The following ZNF578 variants were observed in gnomAD, a reference collection of about 807,000 sequenced individuals.
ZNF578 encodes Putative chemokine-related protein B42.
Under a neutral mutation model 8.3 loss-of-function variants are expected in ZNF578, and 8 were observed. The observed-to-expected ratio is 0.96, with a 90% CI of 0.56 to 1.74. The LOEUF is 1.74. Among genes scored for constraint, ZNF578 ranks in the 40% most tolerant of loss-of-function variants. ZNF578 has a pLI of 0.00. For missense variants in ZNF578, 726 were observed against 707.5 expected, an observed-to-expected ratio of 1.03 and a Z score of -0.30; for synonymous variants, 206 against 232.2, an observed-to-expected ratio of 0.89 and a Z score of 1.03.
intron 2 of ZNF578, among the ~76,000 whole-genome samples, chr19:52,470,159 T>C (rs571340016): frequency 9.2e-5 from 14 of 152,236 alleles, no homozygotes; most frequent in African/African-American, 3.1e-4. Flanking sequence ...TGTACCTTTT[T>C]TCTGAGGACA....
chr19:52,472,461 G>C (rs2059294985), intron 2 of ZNF578, among the ~76,000 whole-genome samples: 1 of 152,062 alleles, frequency 6.6e-6, no homozygotes, highest in African/African-American at 2.4e-5. Flanking sequence ...TGATATAACT[G>C]TTCTCTCTTC....
chr19:52,464,542 C>G (rs76499417), intron 2 of ZNF578, among the ~76,000 whole-genome samples: 1 of 151,998 alleles, frequency 6.6e-6, no homozygotes, highest in Non-Finnish European at 1.5e-5. Context: ...TACTTGCATC[C>G]CCAAATACTG....
chr19:52,471,468 C>T (rs548159777), intron 2 of ZNF578, among the ~76,000 whole-genome samples: 1 of 152,298 alleles, frequency 6.6e-6, no homozygotes, highest in Non-Finnish European at 1.5e-5. Context: ...ACACATTTTA[C>T]ACCTCTGCAC....
chr19:52,465,460 C>A (rs1281796284), intron 2 of ZNF578, among the ~76,000 whole-genome samples: 1 of 152,134 alleles, frequency 6.6e-6, no homozygotes, highest in Non-Finnish European at 1.5e-5. Flanking sequence ...TTATCAAACT[C>A]CTCTCTCTCC....
rs370568918 is a variant in ZNF578, at chr19:52,511,982, C to G, written c.1601C>G (p.Thr534Ser). The change falls in exon 6 of 6, where the codon ACT becomes AGT. Residue 534 changes from threonine (T) to serine (S), a missense_variant. Transcript: ENST00000421239. ...SHLSRHHRLH[T>S]GEKPYKCKVC... ...CTTTCACGTCATCATAGACTTCATACTGGAGAGAAACCTTACAAATGTAAG... is the reference window on the plus strand; with the variant it reads ...CTTTCACGTCATCATAGACTTCATAGTGGAGAGAAACCTTACAAATGTAAG... 1 of 1,613,968 alleles carries G rather than the reference C, an allele frequency of 6.2e-7. No individual in the cohort carries two copies. Among genetic ancestry groups the G allele is most frequent in the African/African-American group, 1.3e-5 (1 of 74,904 alleles).
intron 2 of ZNF578, among the ~76,000 whole-genome samples, chr19:52,460,020 T>A (rs1226733272): frequency 6.6e-6 from 1 of 150,594 alleles, no homozygotes; most frequent in Non-Finnish European, 1.5e-5. Context: ...CCACCTCAGC[T>A]TCCCAAAGTG....
rs2059442663 is a variant in ZNF578, at chr19:52,510,919, G to A, written c.538G>A (p.Val180Met). Residue 180 changes from valine to methionine, a missense_variant, in exon 6 of 6, where the codon GTG (valine) becomes ATG (methionine). By Grantham distance (21) the Val-to-Met change is conservative. Transcript: ENST00000421239. ...GCCCGAAGAGAAAATTGCTAATCAAGTGGAGAAGTCTGTCAACGATGCTTC... is the reference window on the plus strand; with the variant it reads ...GCCCGAAGAGAAAATTGCTAATCAAATGGAGAAGTCTGTCAACGATGCTTC... ...FQPEEKIANQ[V>M]EKSVNDASSI... 1 of 1,614,180 alleles carries A rather than the reference G, an allele frequency of 6.2e-7. No individual in the cohort carries two copies. The highest frequency in any genetic ancestry group is 8.5e-7 in the Non-Finnish European group (1 of 1,180,038).
chr19:52,487,691 G>A (rs535599538), intron 2 of ZNF578, among the ~76,000 whole-genome samples: 17 of 150,502 alleles, frequency 1.1e-4, no homozygotes, highest in South Asian at 2.1e-4. Flanking sequence ...AGTGCAGTGC[G>A]TGATCTCCTC....
At chr19:52,508,649 A>G (rs1413829373) in intron 5 of ZNF578, among the ~76,000 whole-genome samples, 1 of 150,452 alleles carries the variant, frequency 6.6e-6, no homozygotes, top group Non-Finnish European at 1.5e-5. Flanking sequence ...ATACAAAATT[A>G]TCGAGTGTGG....
intron 2 of ZNF578, among the ~76,000 whole-genome samples, chr19:52,482,081 T>A (rs2059328440): frequency 1.3e-5 from 2 of 152,164 alleles, no homozygotes; most frequent in South Asian, 4.1e-4. Context: ...TTGTCCAGGC[T>A]GGAGTGCAAT....
In ZNF578 at chr19:52,514,914, G is replaced by A. The variant is rs1205502245; in HGVS notation, c.*2760G>A. On this transcript the variant is annotated 3_prime_UTR_variant, in exon 6 of 6. Transcript: ENST00000421239. The stretch of plus-strand genomic sequence containing the variant: ...CTGACCTCGCGATCCACCCGACTCA[G>A]CCTCCCACTGTGATGGGATTACAGG... Among the ~76,000 whole-genome samples, 2 of 149,974 alleles carry A rather than the reference G, an allele frequency of 1.3e-5. No individual in the cohort carries two copies. The highest frequency in any genetic ancestry group is 4.9e-5 in the African/African-American group (2 of 40,716).
rs940177355 is a variant in ZNF578, at chr19:52,504,442, C to A, written c.64-213C>A. Among the ~76,000 whole-genome samples, 45 of 152,070 alleles carry A rather than the reference C, an allele frequency of 3.0e-4. 1 individual carries two copies. The highest frequency in any genetic ancestry group is 7.4e-5 in the Non-Finnish European group (5 of 68,020). On this transcript the variant is annotated intron_variant, in intron 4 of 5. Transcript: ENST00000421239. ...TTTTATATTGTCCATAAAATCGAGA[C>A]TTCCATAGCGACTTATGGGATCTTA...
chr19:52,508,795 C>CAAA (rs374726428), intron 5 of ZNF578, among the ~76,000 whole-genome samples: 12 of 100,868 alleles, frequency 1.2e-4, no homozygotes, highest in South Asian at 6.5e-4. Context: ...AACTCTGTCT[C>CAAA]AAAAAAAAAA....
chr19:52,471,801 A>C (rs777339061), intron 2 of ZNF578, among the ~76,000 whole-genome samples: 8 of 152,214 alleles, frequency 5.3e-5, no homozygotes, highest in Admixed American at 1.3e-4. Context: ...TACAGTGGGC[A>C]AAAGTTAAAA....
chr19:52,512,137 C>G lies in ZNF578; in HGVS notation c.1756C>G (p.Pro586Ala), dbSNP rs372650400. 1.6e-4 allele frequency: 260 copies of G among 1,613,730 alleles called. 1 individual carries two copies. The highest frequency in any genetic ancestry group is 9.3e-4 in the South Asian group (85 of 91,048). The change falls in exon 6 of 6, where the codon CCT (proline) becomes GCT (alanine). Residue 586 changes from proline (P) to alanine (A), a missense_variant. Transcript: ENST00000421239. ...HNHLIDSSIK[P>A]CMSS ...TCACTTGATTGATTCATCAATCAAG[C>G]CTTGCATGTCATCATAGACTTCATA...
chr19:52,509,545 T>A (rs1253216250), intron 5 of ZNF578, among the ~76,000 whole-genome samples: 1 of 152,106 alleles, frequency 6.6e-6, no homozygotes, highest in Non-Finnish European at 1.5e-5. Flanking sequence ...TCCCAGAAAT[T>A]TGGGAGGCCA....
intron 5 of ZNF578, among the ~76,000 whole-genome samples, chr19:52,506,307 A>G (rs2059425418): frequency 6.6e-6 from 1 of 151,910 alleles, no homozygotes; most frequent in African/African-American, 2.4e-5. Flanking sequence ...TTTTCTCTTT[A>G]CTATTATGAA....
At chr19:52,503,353 G>T (rs2059414122) in intron 4 of ZNF578, among the ~76,000 whole-genome samples, 1 of 151,972 alleles carries the variant, frequency 6.6e-6, no homozygotes, top group Non-Finnish European at 1.5e-5. Context: ...GCTGGACTCT[G>T]CACTTTTTTT....
intron 2 of ZNF578, among the ~76,000 whole-genome samples, chr19:52,482,255 A>G (rs1262061818): frequency 2.0e-5 from 3 of 152,148 alleles, no homozygotes; most frequent in South Asian, 2.1e-4. Context: ...ACTGGTCTCT[A>G]ATTCCCGACC....
Sources: gnomAD v4.1 joint callset for allele counts (sites outside exome capture counted in the v4.1 genomes callset) on GRCh38, gnomAD v4.1.1 for gene constraint, MANE v1.5 for transcripts, NCBI Gene and HGNC (gene_info 2026-07-23, HGNC 2026-07-21) for gene names.